The following PSD4 variants were observed in gnomAD, a reference collection of about 807,000 sequenced individuals.
The protein encoded by PSD4 is PH and SEC7 domain-containing protein 4.
Under a neutral mutation model 112.5 loss-of-function variants are expected in PSD4, and 59 were observed. That is an observed-to-expected ratio of 0.52 (90% CI 0.43 to 0.65). The LOEUF is 0.65. Ranked by LOEUF, PSD4 falls within the 30% of genes least tolerant of loss-of-function variation. PSD4 has a pLI of 0.00. For missense variants in PSD4, 1,267 were observed against 1,352.6 expected (o/e 0.94, Z 0.99); for synonymous variants, 533 against 540.0 (o/e 0.99, Z 0.18).
chr2:113,197,675 A>G (rs1558656746), intron 13 of PSD4, 41 bp downstream of exon 13: 8 of 1,613,648 alleles, frequency 5.0e-6, no homozygotes, highest in Middle Eastern at 1.6e-4. Flanking sequence ...TGGGAGACTG[A>G]GAGAGGCCCA....
chr2:113,188,364 C>A (rs546957158), intron 5 of PSD4, among the ~76,000 whole-genome samples: 1 of 152,262 alleles, frequency 6.6e-6, no homozygotes, highest in East Asian at 1.9e-4. Context: ...CTGCCTTAGC[C>A]TTCCGAGTAG....
intron 1 of PSD4, among the ~76,000 whole-genome samples, chr2:113,176,568 C>T (rs1687987093): frequency 6.6e-6 from 1 of 152,196 alleles, no homozygotes; most frequent in African/African-American, 2.4e-5. Flanking sequence ...ACTTTCAGAG[C>T]CACCTCAGAG....
intron 6 of PSD4, 141 bp downstream of exon 6, chr2:113,192,730 T>G: frequency 4.7e-6 from 4 of 852,668 alleles, no homozygotes; most frequent in Non-Finnish European, 7.2e-6. Context: ...TTTTCCCCCA[T>G]ACCCTCACTG....
In PSD4 at chr2:113,182,486, C is replaced by T; in HGVS notation, c.30C>T (p.His10=). ...TGGGTGACTACAGACTCCCTGACCACCCCCAGCCCATGGAAATTCTCAACC... is the reference window on the plus strand; with the variant it reads ...TGGGTGACTACAGACTCCCTGACCATCCCCAGCCCATGGAAATTCTCAACC... MMGDYRLPD[H]PQPMEILNLY... is the part of the protein sequence containing the mutation. Residue 10 remains histidine, a synonymous_variant, in exon 2 of 17, where the codon CAC becomes CAT. Transcript: ENST00000245796. 6.2e-7 allele frequency: 1 copy of T among 1,613,562 alleles called. No individual in the cohort carries two copies. Among genetic ancestry groups the T allele is most frequent in the Non-Finnish European group, 8.5e-7 (1 of 1,179,638 alleles).
chr2:113,197,864 G>A lies in PSD4; in HGVS notation c.2575G>A (p.Val859Ile), dbSNP rs766895686. 1.0e-5 allele frequency: 16 copies of A among 1,607,460 alleles called. No individual in the cohort carries two copies. The East Asian group carries it at 1.3e-4, about 13-fold the overall frequency. ...PATHYTKKPH[V>I]FQLRTADWRL... Reference sequence around the variant, plus strand: ...CACGCATTACACCAAGAAGCCGCACGTCTTCCAGCTGCGCACGGCTGACTG... The same window carrying A: ...CACGCATTACACCAAGAAGCCGCACATCTTCCAGCTGCGCACGGCTGACTG... Residue 859 changes from valine (V) to isoleucine (I), a missense_variant, in exon 14 of 17, where the codon GTC becomes ATC. Coordinates refer to ENST00000245796, the MANE Select transcript of PSD4 (RefSeq NM_012455.3).
chr2:113,185,266 T>A, intron 3 of PSD4, 99 bp from the exon 4 acceptor site: 1 of 1,554,534 alleles, frequency 6.4e-7, no homozygotes, highest in Non-Finnish European at 8.8e-7. Context: ...ATGGCATCCT[T>A]CCCCTCCCCT....
chr2:113,189,784 A>G (rs45456892), intron 5 of PSD4, among the ~76,000 whole-genome samples: 4,349 of 152,072 alleles, frequency 0.029, 238 homozygotes, highest in East Asian at 0.23. Context: ...GCATTTTTTC[A>G]TATATTTGTT....
chr2:113,175,091 G>T (rs1558883362), intron 1 of PSD4, among the ~76,000 whole-genome samples: 1 of 152,126 alleles, frequency 6.6e-6, no homozygotes, highest in Non-Finnish European at 1.5e-5. Flanking sequence ...TGTTGGGGAA[G>T]GGGGAGAGAC....
At chr2:113,181,580 C>T (rs1218236605) in intron 1 of PSD4, among the ~76,000 whole-genome samples, 3 of 152,186 alleles carry the variant, frequency 2.0e-5, no homozygotes, top group African/African-American at 7.2e-5. Context: ...GACATGGCTG[C>T]CACATCCCAG....
In PSD4 at chr2:113,175,175, G is replaced by A. The variant is rs575752848; in HGVS notation, c.-112+1121G>A. The A allele has an allele frequency of 4.6e-5, 7 of 152,634 alleles. No homozygotes were observed. The East Asian group carries it at 7.7e-4, about 17-fold the overall frequency. 9.5% of individuals were successfully genotyped at this position (152,634 alleles called of 1,614,324 possible). ...GCCCAGCCTGGCCCCAGCCCCCTAG[G>A]GGTCTTTGTCCTCCCCAGGCAGCAG... On this transcript the variant is annotated intron_variant, in intron 1 of 16. Transcript: ENST00000245796.
At chr2:113,200,970 T>C (rs1022077223) in intron 16 of PSD4, among the ~76,000 whole-genome samples, 188 bp from the exon 17 acceptor site, 4 of 152,166 alleles carry the variant, frequency 2.6e-5, no homozygotes, top group African/African-American at 9.7e-5. Flanking sequence ...TATAATACTA[T>C]CCAGAGGTGT....
intron 1 of PSD4, among the ~76,000 whole-genome samples, chr2:113,178,439 G>GA (rs1375477673): frequency 1.3e-5 from 2 of 149,916 alleles, no homozygotes; most frequent in African/African-American, 2.5e-5. Context: ...TTTTTCCTCT[G>GA]AAAAAACCCA....
At position 113,185,346 on chromosome 2, in the gene PSD4, C is replaced by T. The variant is rs750970506; in HGVS notation, c.1174-19C>T. 2 of 1,614,040 alleles carry T rather than the reference C, an allele frequency of 1.2e-6. No individual in the cohort carries two copies. The highest frequency in any genetic ancestry group is 8.5e-7 in the Non-Finnish European group (1 of 1,179,912). ...TGTGTATCCAGGGCTCATGGGAATG[C>T]CTTTGCCTCTCTCAACAGGCCTCTC... On this transcript the variant is annotated intron_variant, in intron 3 of 16. Coordinates refer to ENST00000245796, the MANE Select transcript of PSD4 (RefSeq NM_012455.3).
chr2:113,183,290 G>T lies in PSD4; in HGVS notation c.834G>T (p.Arg278Ser), dbSNP rs139441610. The T allele has an allele frequency of 6.2e-6, 10 of 1,613,558 alleles. No homozygotes were observed. In the Admixed American group the frequency reaches 6.7e-5, roughly 11 times the overall value. The change falls in exon 2 of 17, where the codon AGG becomes AGT. Residue 278 changes from arginine (R) to serine (S), a missense_variant. This residue lies in a region of PSD4 where 723 missense variants were observed against 704.0 expected (regional missense o/e 1.03). Transcript: ENST00000245796. ...CTTCAGACTCCCATGCAGGTGTGAG[G>T]ACTGGACCTGAGAGCCCAGCGACTC... ...WGASDSHAGV[R>S]TGPESPATLE...
intron 10 of PSD4, among the ~76,000 whole-genome samples, chr2:113,194,420 T>C (rs1688540785): frequency 6.6e-6 from 1 of 152,246 alleles, no homozygotes; most frequent in African/African-American, 2.4e-5. Context: ...AAATGAAATC[T>C]TCCAAGTGCT....
At chr2:113,192,245 C>G (rs2104503432) in intron 5 of PSD4, 135 bp from the exon 6 acceptor site, 1 of 832,668 alleles carries the variant, frequency 1.2e-6, no homozygotes, top group East Asian at 2.4e-5. Context: ...GGCTGTGACT[C>G]TGTCTCTTCC....
rs185340364 is a variant in PSD4, at chr2:113,176,425, C to A, written c.-112+2371C>A. 2.6e-5 allele frequency among the ~76,000 whole-genome samples: 4 copies of A among 152,210 alleles called. 1 individual carries two copies. The highest frequency in any genetic ancestry group is 2.0e-4 in the Admixed American group (3 of 15,290). ...CAGTATTCTCCATGAGAAACATACACCCCCTCCCCACCGTGGTGAAGATTC... is the reference window on the plus strand; with the variant it reads ...CAGTATTCTCCATGAGAAACATACAACCCCTCCCCACCGTGGTGAAGATTC... On this transcript the variant is annotated intron_variant, in intron 1 of 16. Transcript: ENST00000245796.
At chr2:113,194,226 C>A (rs1309024379) in intron 10 of PSD4, among the ~76,000 whole-genome samples, 2 of 152,194 alleles carry the variant, frequency 1.3e-5, no homozygotes, top group Non-Finnish European at 2.9e-5. Context: ...CTTAAGTTTT[C>A]AAGTCATTCT....
intron 1 of PSD4, among the ~76,000 whole-genome samples, chr2:113,178,711 T>C (rs900520143): frequency 6.6e-6 from 1 of 151,974 alleles, no homozygotes; most frequent in Non-Finnish European, 1.5e-5. Context: ...AGTTGACTGA[T>C]GGTGAGAGAA....
Sources: allele counts gnomAD v4.1 joint callset (sites outside exome capture counted in the v4.1 genomes callset), GRCh38; gene constraint gnomAD v4.1.1; regional missense constraint gnomAD v4.1.1; transcripts MANE v1.5; gene names NCBI Gene and HGNC (gene_info 2026-07-23, HGNC 2026-07-21).